The following NECAB1 variants were observed in gnomAD, a reference collection of about 807,000 sequenced individuals.
NECAB1 encodes N-terminal EF-hand calcium-binding protein 1.
A neutral mutation model predicts 57.5 loss-of-function variants in NECAB1; 29 were observed. The ratio of observed to expected loss-of-function variants is 0.50; its 90% confidence interval spans 0.38 to 0.69. The LOEUF (loss-of-function observed/expected upper bound fraction) is 0.69, where lower values mean the gene tolerates loss of function less well. Ranked by LOEUF, NECAB1 falls within the 30% of genes least tolerant of loss-of-function variation. NECAB1 has a pLI of 0.00. For missense variants in NECAB1, 372 were observed against 413.8 expected (o/e 0.90, Z 0.88); for synonymous variants, 142 against 147.7 (o/e 0.96, Z 0.28).
rs1410885669 is a variant in NECAB1 at position 90,843,228 on chromosome 8, TCCCATA to T, written c.233+18404_233+18409del. ...ATTCGATTACCTCCCACTGGATCCC[TCCCATA>T]GCACATGGGGATTATGGGAGCTACA... On this transcript the variant is annotated intron_variant, in intron 3 of 12. Transcript: ENST00000417640. 2.0e-5 allele frequency among the ~76,000 whole-genome samples: 3 copies of T among 152,126 alleles called. No homozygotes were observed. In the East Asian group the frequency reaches 5.8e-4, roughly 29 times the overall value.
At chr8:90,906,257 C>T (rs970523374) in intron 5 of NECAB1, among the ~76,000 whole-genome samples, 21 of 152,242 alleles carry the variant, frequency 1.4e-4, no homozygotes, top group African/African-American at 3.4e-4. Context: ...TATAGGAGTT[C>T]GAACCTCAGA....
intron 2 of NECAB1, among the ~76,000 whole-genome samples, chr8:90,812,341 GA>G (rs1231083071): frequency 2.0e-5 from 3 of 152,124 alleles, no homozygotes; most frequent in African/African-American, 7.2e-5. Flanking sequence ...GTCATTCTAC[GA>G]AAGCCTGAGT....
At chr8:90,898,403 C>T (rs1438507926) in intron 5 of NECAB1, among the ~76,000 whole-genome samples, 1 of 152,136 alleles carries the variant, frequency 6.6e-6, no homozygotes, top group African/African-American at 2.4e-5. Flanking sequence ...TGAGATTAGA[C>T]ATCATATTAA....
intron 5 of NECAB1, among the ~76,000 whole-genome samples, chr8:90,882,840 T>A (rs1314297954): frequency 6.6e-6 from 1 of 152,156 alleles, no homozygotes; most frequent in Non-Finnish European, 1.5e-5. Flanking sequence ...CCGTGTTTAC[T>A]CTGAACCTAG....
chr8:90,888,291 T>C (rs1339576018), intron 5 of NECAB1, among the ~76,000 whole-genome samples: 1 of 152,192 alleles, frequency 6.6e-6, no homozygotes, highest in Non-Finnish European at 1.5e-5. Context: ...CTGTTTTACT[T>C]TGCCCAAAAA....
At chr8:90,879,075 AT>A (rs1319492089) in intron 4 of NECAB1, among the ~76,000 whole-genome samples, 1 of 131,674 alleles carries the variant, frequency 7.6e-6, no homozygotes, top group Non-Finnish European at 1.5e-5. Context: ...TATATAATAT[AT>A]ATTATATATA....
At chr8:90,820,586 G>A (rs1301262133) in intron 2 of NECAB1, among the ~76,000 whole-genome samples, 2 of 151,788 alleles carry the variant, frequency 1.3e-5, no homozygotes, top group East Asian at 1.9e-4. Context: ...TAAAATTGCT[G>A]TGGGGGAGGG....
At chr8:90,907,071 T>A (rs1337001336) in intron 5 of NECAB1, among the ~76,000 whole-genome samples, 1 of 150,320 alleles carries the variant, frequency 6.7e-6, no homozygotes, top group Non-Finnish European at 1.5e-5. Context: ...ATCATATATA[T>A]TTTTAATAAT....
At chr8:90,936,743 T>A (rs1452168774) in intron 9 of NECAB1, among the ~76,000 whole-genome samples, 1 of 152,204 alleles carries the variant, frequency 6.6e-6, no homozygotes, top group Non-Finnish European at 1.5e-5. Context: ...CATCTCTAGT[T>A]TTCTGGGCAA....
intron 5 of NECAB1, among the ~76,000 whole-genome samples, chr8:90,906,874 C>CAT (rs1290352726): frequency 2.3e-4 from 10 of 42,642 alleles, no homozygotes; most frequent in African/African-American, 1.1e-3. Flanking sequence ...ATATGATATA[C>CAT]ACATATATAT....
intron 2 of NECAB1, among the ~76,000 whole-genome samples, chr8:90,821,661 T>C (rs1254452888): frequency 6.6e-6 from 1 of 151,792 alleles, no homozygotes; most frequent in Non-Finnish European, 1.5e-5. Context: ...TATCCCTTTA[T>C]AGCTAGACTT....
At chr8:90,797,562 G>C (rs1173733003) in intron 1 of NECAB1, among the ~76,000 whole-genome samples, 1 of 152,062 alleles carries the variant, frequency 6.6e-6, no homozygotes, top group Admixed American at 6.6e-5. Flanking sequence ...ATAACTACAA[G>C]TTACTTAGGG....
intron 3 of NECAB1, among the ~76,000 whole-genome samples, chr8:90,839,660 A>T (rs1039056741): frequency 1.3e-5 from 2 of 152,202 alleles, no homozygotes; most frequent in Non-Finnish European, 1.5e-5. Context: ...AGAGAATAGC[A>T]CATATGGAAG....
At chr8:90,939,173 G>A (rs1810610060) in intron 9 of NECAB1, among the ~76,000 whole-genome samples, 1 of 152,208 alleles carries the variant, frequency 6.6e-6, no homozygotes, top group Non-Finnish European at 1.5e-5. Flanking sequence ...GGCACAGAAA[G>A]CCTAAATAAA....
chr8:90,864,984 G>C (rs941013837), intron 3 of NECAB1, among the ~76,000 whole-genome samples: 4 of 152,046 alleles, frequency 2.6e-5, no homozygotes, highest in African/African-American at 9.7e-5. Context: ...GGTTAGACTG[G>C]GGTGGGGCGC....
rs1811017182 is a variant in NECAB1, at chr8:90,955,602, T to C, written c.*90T>C. ...TTAGAAAATTATCTGCGGTTGTTAA[T>C]CTACTGTATATTTTTGTTTGGTATA... On this transcript the variant is annotated 3_prime_UTR_variant, in exon 13 of 13. Coordinates refer to ENST00000417640, the MANE Select transcript of NECAB1 (RefSeq NM_022351.5). The C allele has an allele frequency of 2.1e-6, 2 of 975,504 alleles. No homozygotes were observed. The highest frequency in any genetic ancestry group is 3.3e-5 in the South Asian group (2 of 59,960). The allele number at this position is 975,504 out of a possible 1,614,324, so 60.4% of individuals were successfully genotyped here.
chr8:90,939,122 T>C (rs1810608534), intron 9 of NECAB1, among the ~76,000 whole-genome samples: 3 of 152,234 alleles, frequency 2.0e-5, no homozygotes, highest in Non-Finnish European at 4.4e-5. Context: ...TGGCTGCTTT[T>C]ACACAATAGC....
At chr8:90,839,028 A>G (rs1352520357) in intron 3 of NECAB1, among the ~76,000 whole-genome samples, 1 of 152,194 alleles carries the variant, frequency 6.6e-6, no homozygotes, top group Non-Finnish European at 1.5e-5. Flanking sequence ...TTATTTTGAG[A>G]GGAATAGGGA....
rs183379264 is a variant in NECAB1, at chr8:90,800,367, G to A, written c.100-1324G>A. ...TTGAATAGGAGTGGTGAGAGTGGGC[G>A]TCCTTGTCTTGTTCCAGTTCCAGTT... On this transcript the variant is annotated intron_variant, in intron 1 of 12. Transcript: ENST00000417640. Among the ~76,000 whole-genome samples, 11 of 152,162 alleles carry A rather than the reference G, an allele frequency of 7.2e-5. No individual in the cohort carries two copies. In the South Asian group the frequency reaches 1.0e-3, roughly 14 times the overall value.
Sources: allele counts gnomAD v4.1 joint callset (sites outside exome capture counted in the v4.1 genomes callset), GRCh38; gene constraint gnomAD v4.1.1; transcripts MANE v1.5; gene names NCBI Gene and HGNC (gene_info 2026-07-23, HGNC 2026-07-21).